The following MAGI2 variants were observed in gnomAD, a reference collection of about 807,000 sequenced individuals.
MAGI2 encodes membrane associated guanylate kinase, WW and PDZ domain containing 2.
Under a neutral mutation model 133.3 loss-of-function variants are expected in MAGI2, and 35 were observed. The ratio of observed to expected loss-of-function variants is 0.26; its 90% CI spans 0.20 to 0.35. The LOEUF is 0.35. Among genes scored for constraint, MAGI2 ranks in the 10% least tolerant of loss-of-function variants. The pLI is 1.00. For synonymous variants in MAGI2, 729 were observed against 710.6 expected (o/e 1.03, Z -0.41); for missense variants, 1,636 against 1,863.4 (o/e 0.88, Z 2.25).
At position 78,079,200 on chromosome 7, in the gene MAGI2, G is replaced by C. The variant is rs1359054193; in HGVS notation, c.3568-115C>G. 5.2e-5 allele frequency: 51 copies of C among 975,206 alleles called. 1 individual carries two copies. The East Asian group carries it at 1.2e-3, about 23-fold the overall frequency. 60.4% of individuals were successfully genotyped at this position (975,206 alleles called of 1,614,324 possible). ...CCTGAGAGCATCCGAACAATTTGGT[G>C]GCAGCCTGCTGCTTTTTGGAAGAGG... On this transcript the variant is annotated intron_variant, in intron 20 of 21. Coordinates refer to ENST00000354212, the MANE Select transcript of MAGI2 (RefSeq NM_012301.4).
chr7:79,204,670 G>A (rs766427341), intron 1 of MAGI2, among the ~76,000 whole-genome samples: 45 of 151,830 alleles, frequency 3.0e-4, no homozygotes, highest in Admixed American at 6.6e-4. Flanking sequence ...CAAAACAAAT[G>A]TTTTAAGAAA....
intron 2 of MAGI2, among the ~76,000 whole-genome samples, chr7:78,860,519 C>G (rs1477928913): frequency 2.0e-5 from 3 of 152,180 alleles, no homozygotes; most frequent in African/African-American, 7.2e-5. Flanking sequence ...ACTCCAGACC[C>G]TGTTTGCCTG....
At chr7:79,435,446 A>G (rs750028701) in intron 1 of MAGI2, among the ~76,000 whole-genome samples, 13 of 152,230 alleles carry the variant, frequency 8.5e-5, no homozygotes, top group African/African-American at 2.9e-4. Context: ...TGGGATATGA[A>G]AAATTAGGAG....
At chr7:78,226,599 C>T (rs777209639) in intron 10 of MAGI2, among the ~76,000 whole-genome samples, 1 of 152,206 alleles carries the variant, frequency 6.6e-6, no homozygotes, top group African/African-American at 2.4e-5. Flanking sequence ...TGTCTCCCAC[C>T]ACCGAAATTA....
At chr7:78,649,020 C>T (rs1811208509) in intron 2 of MAGI2, among the ~76,000 whole-genome samples, 1 of 151,846 alleles carries the variant, frequency 6.6e-6, no homozygotes, top group Non-Finnish European at 1.5e-5. Flanking sequence ...CTTCATAATA[C>T]ACTGTCAGGT....
intron 2 of MAGI2, among the ~76,000 whole-genome samples, chr7:78,764,525 C>G (rs1824817427): frequency 6.6e-6 from 1 of 152,116 alleles, no homozygotes; most frequent in Non-Finnish European, 1.5e-5. Flanking sequence ...TGTGCTAAGT[C>G]CCATTGACCA....
intron 6 of MAGI2, among the ~76,000 whole-genome samples, chr7:78,448,598 C>G (rs1054412495): frequency 6.6e-6 from 1 of 152,058 alleles, no homozygotes; most frequent in Admixed American, 6.6e-5. Flanking sequence ...GATATTTGGA[C>G]TTAGCTTTCA....
intron 2 of MAGI2, among the ~76,000 whole-genome samples, chr7:78,981,072 G>T (rs1314211563): frequency 6.6e-6 from 1 of 151,360 alleles, no homozygotes; most frequent in African/African-American, 2.4e-5. Context: ...AGAATTTTTT[G>T]CTTGGCTCTT....
intron 20 of MAGI2, among the ~76,000 whole-genome samples, chr7:78,121,319 G>C (rs1294831618): frequency 2.0e-5 from 3 of 149,956 alleles, no homozygotes; most frequent in Non-Finnish European, 3.0e-5. Flanking sequence ...GAAACTGCAA[G>C]CCATAAGCTG....
At chr7:78,462,459 AAAT>A (rs901473738) in intron 6 of MAGI2, among the ~76,000 whole-genome samples, 36 of 152,202 alleles carry the variant, frequency 2.4e-4, no homozygotes, top group African/African-American at 6.3e-4. Context: ...CTAACACTAG[AAAT>A]AATGATGAGA....
chr7:78,783,824 C>A (rs980119807), intron 2 of MAGI2, among the ~76,000 whole-genome samples: 1 of 152,246 alleles, frequency 6.6e-6, no homozygotes, highest in East Asian at 1.9e-4. Context: ...AGTGAAATCA[C>A]GTTTAATTTT....
rs115051780 is a variant in MAGI2 at position 78,440,467 on chromosome 7, A to T, written c.1045+49294T>A. ...GGAAAAGAAAGGATGAACTGAAGAGACACCGTGAAGGCAAAATTAACACAT... is the reference window on the plus strand; with the variant it reads ...GGAAAAGAAAGGATGAACTGAAGAGTCACCGTGAAGGCAAAATTAACACAT... On this transcript the variant is annotated intron_variant, in intron 6 of 21. Coordinates refer to ENST00000354212, the MANE Select transcript of MAGI2 (RefSeq NM_012301.4). Among the ~76,000 whole-genome samples the T allele has an allele frequency of 6.6e-3, 1,010 of 152,276 alleles. 11 individuals carry two copies. The highest frequency in any genetic ancestry group is 0.023 in the African/African-American group (954 of 41,542).
intron 3 of MAGI2, among the ~76,000 whole-genome samples, chr7:78,585,392 G>T (rs912824632): frequency 5.3e-5 from 8 of 152,172 alleles, no homozygotes; most frequent in Admixed American, 1.3e-4. Flanking sequence ...GTATCTGAAG[G>T]TTCCAGTGCA....
chr7:79,378,946 A>G (rs372741000), intron 1 of MAGI2, among the ~76,000 whole-genome samples: 18 of 58,024 alleles, frequency 3.1e-4, no homozygotes, highest in African/African-American at 1.6e-3. Context: ...ATATATATAT[A>G]TATATATATA....
intron 6 of MAGI2, among the ~76,000 whole-genome samples, chr7:78,407,584 G>A (rs1225881996): frequency 6.6e-6 from 1 of 151,618 alleles, no homozygotes; most frequent in Non-Finnish European, 1.5e-5. Context: ...TAACGAATTG[G>A]TCAAGTTACC....
At chr7:78,698,787 G>A (rs1817771062) in intron 2 of MAGI2, among the ~76,000 whole-genome samples, 1 of 152,064 alleles carries the variant, frequency 6.6e-6, no homozygotes, top group African/African-American at 2.4e-5. Context: ...ACAAAGCGGA[G>A]GGAAAGCCCC....
chr7:78,651,105 T>C (rs1227724813), intron 2 of MAGI2, among the ~76,000 whole-genome samples: 1 of 152,194 alleles, frequency 6.6e-6, no homozygotes, highest in Non-Finnish European at 1.5e-5. Context: ...TCATGTTATT[T>C]CAAATCAATC....
At chr7:78,161,665 C>G (rs1222248167) in intron 15 of MAGI2, among the ~76,000 whole-genome samples, 1 of 81,590 alleles carries the variant, frequency 1.2e-5, no homozygotes, top group African/African-American at 4.5e-5. Context: ...TACATCGATA[C>G]CTAAAAAAAA....
chr7:78,791,163 T>C (rs1419567322), intron 2 of MAGI2, among the ~76,000 whole-genome samples: 1 of 151,824 alleles, frequency 6.6e-6, no homozygotes, highest in South Asian at 2.1e-4. Context: ...AATAGAAAAA[T>C]GGGCAAAGAA....
Sources: gnomAD v4.1 joint callset for allele counts (sites outside exome capture counted in the v4.1 genomes callset) on GRCh38, gnomAD v4.1.1 for gene constraint, MANE v1.5 for transcripts, NCBI Gene and HGNC (gene_info 2026-07-23, HGNC 2026-07-21) for gene names.